Variants in BDP1 observed in about 807,000 individuals in gnomAD.
BDP1 encodes BDP1 general transcription factor IIIB subunit, also known as transcription factor TFIIIB component B'' homolog.
A neutral mutation model predicts 266.6 loss-of-function variants in BDP1; 169 were observed. That is an observed-to-expected ratio of 0.63 (90% CI 0.56 to 0.72). The LOEUF is 0.72. Ranked by LOEUF, BDP1 falls within the 30% of genes least tolerant of loss-of-function variation. The probability of loss-of-function intolerance (pLI) is 0.00; values close to 1 mark genes in which losing one functional copy is unlikely to be tolerated. For missense variants in BDP1, 3,015 were observed against 3,053.8 expected (o/e 0.99, Z 0.30); for synonymous variants, 1,090 against 1,022.4 (o/e 1.07, Z -1.26).
chr5:71,456,031 G>C lies in BDP1; in HGVS notation c.154G>C (p.Asp52His), dbSNP rs770583016. The C allele has an allele frequency of 6.2e-7, 1 of 1,613,592 alleles. No individual in the cohort carries two copies. Among genetic ancestry groups the C allele is most frequent in the Non-Finnish European group, 8.5e-7 (1 of 1,180,038 alleles). ...TGCTTCCAAGCCCGCGGAGCCCACA[G>C]ATGTGCCCACAGTCGATTTCGGTGG... ...DSASKPAEPT[D>H]VPTVDFGGAE... The change falls in exon 1 of 39, where the codon GAT (aspartate) becomes CAT (histidine). Residue 52 changes from aspartate (D) to histidine (H), a missense_variant. By Grantham distance (81) the Asp-to-His change is moderately conservative (BLOSUM62 -1). Coordinates refer to ENST00000358731, the MANE Select transcript of BDP1 (RefSeq NM_018429.3).
Position 71,464,085 on chromosome 5 carries a change from T to G in BDP1, c.627T>G (p.Thr209=). Reference sequence around the variant, plus strand: ...CTTCACTGGAACAAGAAAAGAAAACTGAAAAGCCATCGACTCCAGTCCAGA... The same window carrying G: ...CTTCACTGGAACAAGAAAAGAAAACGGAAAAGCCATCGACTCCAGTCCAGA... ...MTSSLEQEKK[T]EKPSTPVQTR... is the part of the protein sequence containing the mutation. The change falls in exon 4 of 39, where the codon ACT becomes ACG. Residue 209 remains threonine, a synonymous_variant. Coordinates refer to ENST00000358731, the MANE Select transcript of BDP1 (RefSeq NM_018429.3). 6.3e-7 allele frequency: 1 copy of G among 1,580,274 alleles called. No homozygotes were observed. Among genetic ancestry groups the G allele is most frequent in the Non-Finnish European group, 8.6e-7 (1 of 1,161,224 alleles).
intron 38 of BDP1, chr5:71,562,834 G>A: frequency 1.5e-6 from 2 of 1,311,198 alleles, no homozygotes; most frequent in Non-Finnish European, 2.0e-6. Flanking sequence ...AGAATTTAAG[G>A]AACTGTAAAA....
intron 1 of BDP1, 84 bp from the exon 2 acceptor site, chr5:71,458,495 G>T: frequency 2.0e-6 from 2 of 1,002,584 alleles, no homozygotes; most frequent in Non-Finnish European, 2.8e-6. Context: ...TTGCAGTTTT[G>T]GATTTTCACC....
chr5:71,463,097 C>T (rs776977066), intron 3 of BDP1, among the ~76,000 whole-genome samples: 4 of 151,726 alleles, frequency 2.6e-5, no homozygotes, highest in African/African-American at 9.7e-5. Flanking sequence ...TGGGAGACAG[C>T]GAGACTCTGT....
chr5:71,484,871 C>T (rs1763165573), intron 8 of BDP1, among the ~76,000 whole-genome samples: 1 of 151,956 alleles, frequency 6.6e-6, no homozygotes, highest in East Asian at 1.9e-4. Context: ...AGAGTACCTA[C>T]ATTATGTAGC....
At chr5:71,551,987 GGCCTGGCGAGGGCTGACCC>G in intron 34 of BDP1, among the ~76,000 whole-genome samples, 1 of 150,138 alleles carries the variant, frequency 6.7e-6, no homozygotes, top group Non-Finnish European at 1.5e-5. Context: ...CGGGGCGGCT[GGCCTGGCGAGGGCTGACCC>G]CCACCTCCCT....
rs544073607 is a variant in BDP1, at chr5:71,462,000, T to C, written c.599+74T>C. ...TTTTTGGAGGTGGAGTCTCGCTCTG[T>C]CACCCGGGCTGGAGTGCAGTGGTGC... On this transcript the variant is annotated intron_variant, in intron 3 of 38. Transcript: ENST00000358731. 2.0e-5 allele frequency: 17 copies of C among 844,936 alleles called. No individual in the cohort carries two copies. In the South Asian group the frequency reaches 2.4e-4, roughly 12 times the overall value. The allele number at this position is 844,936 out of a possible 1,614,324, so 52.3% of individuals were successfully genotyped here.
At chr5:71,495,842 C>A (rs1210492035) in intron 12 of BDP1, among the ~76,000 whole-genome samples, 3 of 152,016 alleles carry the variant, frequency 2.0e-5, no homozygotes, top group Non-Finnish European at 4.4e-5. Context: ...TCCCAAGAAA[C>A]GATTAAAAAC....
Position 71,524,218 on chromosome 5 carries a change from C to T in BDP1, c.5667C>T (p.Ser1889=). 6.2e-7 allele frequency: 1 copy of T among 1,614,182 alleles called. No individual in the cohort carries two copies. Among genetic ancestry groups the T allele is most frequent in the Non-Finnish European group, 8.5e-7 (1 of 1,180,030 alleles). ...TTGAGTCTGACTATGAGGAAGAAAG[C>T]TATCATCTTGCTCCCGAAGAAGTAA... ...DDFESDYEEE[S]YHLAPEEVNK... Residue 1889 remains serine (S), a synonymous_variant, in exon 25 of 39, where the codon AGC becomes AGT. Transcript: ENST00000358731.
chr5:71,550,273 C>A (rs1742652351), intron 34 of BDP1, among the ~76,000 whole-genome samples: 1 of 152,102 alleles, frequency 6.6e-6, no homozygotes, highest in Admixed American at 6.5e-5. Flanking sequence ...GTAATCCCAG[C>A]TACTCAGGAG....
chr5:71,552,363 C>A (rs1447558831), intron 34 of BDP1, among the ~76,000 whole-genome samples: 2 of 152,088 alleles, frequency 1.3e-5, no homozygotes, highest in Admixed American at 6.5e-5. Context: ...AGAGACGCTC[C>A]TCACTTTCCA....
At chr5:71,568,034 C>T (rs1295459307), downstream of BDP1, among the ~76,000 whole-genome samples, 1 of 151,910 alleles carries the variant, frequency 6.6e-6, no homozygotes, top group Non-Finnish European at 1.5e-5. Context: ...CCCAGTTACT[C>T]AGGAGGCTGG....
At position 71,565,845 on chromosome 5, in the gene BDP1, C is replaced by T. The variant is rs1167472756; in HGVS notation, c.*960C>T. On this transcript the variant is annotated 3_prime_UTR_variant, in exon 39 of 39. Transcript: ENST00000358731. ...ATTTTTCTAATTCATGGTGATGTAA[C>T]ATTAGTCCTAATTGAAAAACTAGTA... The T allele has an allele frequency of 6.5e-6, 1 of 153,026 alleles. No homozygotes were observed. Among genetic ancestry groups the T allele is most frequent in the African/African-American group, 2.4e-5 (1 of 41,440 alleles). 9.5% of individuals were successfully genotyped at this position (153,026 alleles called of 1,614,324 possible). A position where few individuals can be genotyped will look rare whatever the true frequency, so the allele number is the denominator to read the frequency against.
At chr5:71,513,751 C>T (rs1386347897) in intron 19 of BDP1, among the ~76,000 whole-genome samples, 1 of 151,842 alleles carries the variant, frequency 6.6e-6, no homozygotes, top group East Asian at 1.9e-4. Flanking sequence ...GATGAAGTCT[C>T]ACTCTGTTCC....
At chr5:71,568,338 G>A (rs1318267463), downstream of BDP1, among the ~76,000 whole-genome samples, 4 of 152,124 alleles carry the variant, frequency 2.6e-5, no homozygotes, top group Non-Finnish European at 5.9e-5. Context: ...CAGTCTTACG[G>A]GCTACCCAGT....
At chr5:71,549,943 C>G (rs1742627039) in intron 34 of BDP1, among the ~76,000 whole-genome samples, 1 of 152,190 alleles carries the variant, frequency 6.6e-6, no homozygotes, top group Non-Finnish European at 1.5e-5. Flanking sequence ...AATATGCATT[C>G]ACAGAAAGTT....
chr5:71,545,198 G>A lies in BDP1; in HGVS notation c.6723G>A (p.Val2241=), dbSNP rs1742192563. The change falls in exon 32 of 39, where the codon GTG becomes GTA. Residue 2241 remains valine, a synonymous_variant. Transcript: ENST00000358731. The part of the protein sequence containing the change: ...PQIKDSKGDS[V]LTLPVPEYTP... ...TAAAGGACTCTAAAGGAGACAGTGT[G>A]CTTACACTTCCTGTGCCAGAGGTAA... 1 of 1,613,358 alleles carries A rather than the reference G, an allele frequency of 6.2e-7. No homozygotes were observed. Among genetic ancestry groups the A allele is most frequent in the Non-Finnish European group, 8.5e-7 (1 of 1,179,904 alleles).
intron 7 of BDP1, among the ~76,000 whole-genome samples, chr5:71,475,316 C>T (rs1380415461): frequency 1.3e-5 from 2 of 152,036 alleles, no homozygotes; most frequent in Non-Finnish European, 2.9e-5. Flanking sequence ...CACTGTGTTG[C>T]CCAGGTTGGT....
chr5:71,487,073 G>A (rs1421398725), intron 9 of BDP1, among the ~76,000 whole-genome samples: 1 of 152,074 alleles, frequency 6.6e-6, no homozygotes, highest in Non-Finnish European at 1.5e-5. Context: ...GGTAGAAATT[G>A]TATATATGTA....
Sources: allele counts gnomAD v4.1 joint callset (sites outside exome capture counted in the v4.1 genomes callset), GRCh38; gene constraint gnomAD v4.1.1; transcripts MANE v1.5; gene names NCBI Gene and HGNC (gene_info 2026-07-23, HGNC 2026-07-21).